The following SLC5A4 variants were observed in gnomAD, a reference collection of about 807,000 sequenced individuals.
SLC5A4 encodes the protein solute carrier family 5 member 4, also known as probable glucose sensor protein SLC5A4.
SLC5A4 carries 55 observed loss-of-function variants against 70.3 expected under a neutral mutation model. The observed-to-expected ratio is 0.78, with a 90% confidence interval of 0.63 to 0.98. The LOEUF (loss-of-function observed/expected upper bound fraction) is 0.98. Among genes scored for constraint, SLC5A4 ranks in the 50% least tolerant of loss-of-function variants. SLC5A4 has a pLI of 0.00. For missense variants in SLC5A4, 735 were observed against 839.2 expected (o/e 0.88, Z 1.53); for synonymous variants, 268 against 305.7 (o/e 0.88, Z 1.29).
At chr22:32,315,748 T>C in the SLC5A4 span, among the ~76,000 whole-genome samples, 1 of 131,846 alleles carries the variant, frequency 7.6e-6, no homozygotes, top group Non-Finnish European at 1.5e-5. Context: ...TAAGACCAAA[T>C]GCATCTGCCA....
At chr22:32,347,256 G>A in the SLC5A4 span, among the ~76,000 whole-genome samples, 1 of 152,284 alleles carries the variant, frequency 6.6e-6, no homozygotes, top group Admixed American at 6.5e-5. Flanking sequence ...CACTGTTGGT[G>A]GGACTGTAAA....
intron 2 of SLC5A4, among the ~76,000 whole-genome samples, chr22:32,253,542 C>A (rs1927293727): frequency 6.6e-6 from 1 of 152,156 alleles, no homozygotes; most frequent in African/African-American, 2.4e-5. Flanking sequence ...CAGGAATGCG[C>A]AGAGCTTGTA....
At chr22:32,283,463 ACTTG>A in the SLC5A4 span, among the ~76,000 whole-genome samples, 5 of 152,284 alleles carry the variant, frequency 3.3e-5, no homozygotes, top group Non-Finnish European at 5.9e-5. Context: ...TTTCTCCATC[ACTTG>A]CTTAAGTCTA....
the SLC5A4 span, among the ~76,000 whole-genome samples, chr22:32,312,795 A>G: frequency 6.6e-6 from 1 of 152,124 alleles, no homozygotes; most frequent in East Asian, 1.9e-4. Flanking sequence ...CATCTCCCCC[A>G]TCCTGAGGCA....
chr22:32,229,184 G>T lies in SLC5A4; in HGVS notation c.1280+10C>A, dbSNP rs563541123. The T allele has an allele frequency of 4.3e-6, 7 of 1,612,562 alleles. No individual in the cohort carries two copies. The highest frequency in any genetic ancestry group is 5.9e-6 in the Non-Finnish European group (7 of 1,178,902). On this transcript the variant is annotated intron_variant, in intron 11 of 14. Transcript: ENST00000266086. ...CAGAGGATTCTAGGTGGGAACCAGGGTTCACTCACCGTCCAGCTATCAGGA... is the reference window on the plus strand; with the variant it reads ...CAGAGGATTCTAGGTGGGAACCAGGTTTCACTCACCGTCCAGCTATCAGGA...
At chr22:32,291,508 T>C in the SLC5A4 span, among the ~76,000 whole-genome samples, 1 of 152,202 alleles carries the variant, frequency 6.6e-6, no homozygotes, top group African/African-American at 2.4e-5. Context: ...GTGAGAAGTA[T>C]GGCTGACATT....
At chr22:32,286,274 AGT>A in the SLC5A4 span, among the ~76,000 whole-genome samples, 1 of 152,146 alleles carries the variant, frequency 6.6e-6, no homozygotes, top group Non-Finnish European at 1.5e-5. Context: ...ATTTGGTCAT[AGT>A]GTTTTTGTAG....
At chr22:32,288,765 C>T in the SLC5A4 span, among the ~76,000 whole-genome samples, 2 of 152,034 alleles carry the variant, frequency 1.3e-5, no homozygotes, top group Admixed American at 6.6e-5. Flanking sequence ...AGGTTGGTCT[C>T]GAACTCATGA....
At chr22:32,269,393 G>A in the SLC5A4 span, 8 of 444,360 alleles carry the variant, frequency 1.8e-5, no homozygotes, top group South Asian at 9.9e-5. This position sits in a 1 kb window ranked among gnomAD's most constrained non-coding sequence, Gnocchi z 4.1. Flanking sequence ...CTACCTCATC[G>A]ATGTGCAGGC....
At chr22:32,231,930 T>C (rs1925788435) in intron 9 of SLC5A4, among the ~76,000 whole-genome samples, 1 of 152,026 alleles carries the variant, frequency 6.6e-6, no homozygotes, top group Non-Finnish European at 1.5e-5. Flanking sequence ...ACCCAAGCTG[T>C]AGTGCAATGG....
the SLC5A4 span, among the ~76,000 whole-genome samples, chr22:32,325,651 G>A: frequency 3.9e-4 from 59 of 152,362 alleles, no homozygotes; most frequent in Non-Finnish European, 6.8e-4. Context: ...GGCAAGATTA[G>A]AGCTGCAGGG....
At chr22:32,316,666 A>C in the SLC5A4 span, among the ~76,000 whole-genome samples, 4 of 151,670 alleles carry the variant, frequency 2.6e-5, no homozygotes, top group East Asian at 5.9e-4. Flanking sequence ...AGTAGCTGGG[A>C]TAACAGGTGC....
chr22:32,224,501 G>A lies in SLC5A4; in HGVS notation c.1450-19C>T, dbSNP rs1377572700. On this transcript the variant is annotated intron_variant, in intron 12 of 14. Coordinates refer to ENST00000266086, the MANE Select transcript of SLC5A4 (RefSeq NM_014227.3). ...ATGCTCCCTGCAAAAGAAGCAAGAA[G>A]AAAATCAGAATGTTTAGAAAATATG... is the stretch of plus-strand genomic sequence containing the variant. 1 of 1,563,896 alleles carries A rather than the reference G, an allele frequency of 6.4e-7. No individual in the cohort carries two copies. The highest frequency in any genetic ancestry group is 8.8e-7 in the Non-Finnish European group (1 of 1,134,952).
At chr22:32,313,301 T>C in the SLC5A4 span, among the ~76,000 whole-genome samples, 2 of 152,230 alleles carry the variant, frequency 1.3e-5, no homozygotes, top group Non-Finnish European at 2.9e-5. Context: ...TGACACTTGT[T>C]GTTCTGACAT....
At chr22:32,230,524 T>C (rs901899872) in intron 10 of SLC5A4, among the ~76,000 whole-genome samples, 5 of 152,202 alleles carry the variant, frequency 3.3e-5, no homozygotes, top group African/African-American at 1.2e-4. Context: ...GCAGATTAAA[T>C]AGATTGAGAT....
At chr22:32,306,067 C>T in the SLC5A4 span, among the ~76,000 whole-genome samples, 269 of 152,300 alleles carry the variant, frequency 1.8e-3, no homozygotes, top group African/African-American at 6.1e-3. Context: ...ATTATGTGGG[C>T]ACAGGTTCCC....
At chr22:32,222,574 A>G (rs1375582279) in intron 13 of SLC5A4, among the ~76,000 whole-genome samples, 1 of 152,210 alleles carries the variant, frequency 6.6e-6, no homozygotes, top group Non-Finnish European at 1.5e-5. Flanking sequence ...CTACTGGCAA[A>G]TAAGAATTTA....
the SLC5A4 span, among the ~76,000 whole-genome samples, chr22:32,351,737 T>TGGGGGAGGGGGGGGGGGG: frequency 3.8e-4 from 1 of 2,638 alleles, no homozygotes; most frequent in African/African-American, 2.0e-3. Flanking sequence ...GTGGGGGCGG[T>TGGGGGAGGGGGGGGGGGG]GGGGGGAGGG....
chr22:32,333,138 T>C, the SLC5A4 span, among the ~76,000 whole-genome samples: 1 of 150,438 alleles, frequency 6.6e-6, no homozygotes, highest in Non-Finnish European at 1.5e-5. Context: ...AGTCTGTGGG[T>C]GTAGGAGTGG....
Sources: gnomAD v4.1 joint callset for allele counts (sites outside exome capture counted in the v4.1 genomes callset) on GRCh38, gnomAD v4.1.1 for gene constraint, Gnocchi (gnomAD v3.1) non-coding constraint, MANE v1.5 for transcripts, NCBI Gene and HGNC (gene_info 2026-07-23, HGNC 2026-07-21) for gene names.